The following MYO5B variants were observed in gnomAD, a reference collection of about 807,000 sequenced individuals.
MYO5B encodes myosin VB.
A neutral mutation model predicts 229.3 loss-of-function variants in MYO5B; 143 were observed. The observed-to-expected ratio is 0.62, with a 90% CI of 0.54 to 0.72. MYO5B has a LOEUF of 0.72. MYO5B is among the 30% of genes least tolerant of loss of function. MYO5B has a pLI of 0.00. For missense variants in MYO5B, 2,321 were observed against 2,331.0 expected (o/e 1.00, Z 0.09); for synonymous variants, 918 against 885.2 (o/e 1.04, Z -0.66).
At chr18:49,992,498 T>C (rs2025944825) in intron 5 of MYO5B, 67 bp from the exon 6 acceptor site, 16 of 1,609,400 alleles carry the variant, frequency 9.9e-6, no homozygotes, top group Non-Finnish European at 1.4e-5. Flanking sequence ...GGATTGTATG[T>C]TTGTGGCAGC....
At chr18:49,863,408 A>G in intron 28 of MYO5B, 81 bp from the exon 29 acceptor site, 1 of 1,221,944 alleles carries the variant, frequency 8.2e-7, no homozygotes, top group Non-Finnish European at 1.2e-6. Context: ...GTATAAAAAC[A>G]TGCCTTTGGG....
At position 50,098,546 on chromosome 18, in the gene MYO5B, A is replaced by G. The variant is rs866557133; in HGVS notation, c.28-43168T>C. Among the ~76,000 whole-genome samples the G allele has an allele frequency of 1.9e-4, 29 of 152,362 alleles. No individual in the cohort carries two copies. The Middle Eastern group carries it at 0.02, about 107-fold the overall frequency. On this transcript the variant is annotated intron_variant, in intron 1 of 39. Transcript: ENST00000285039. ...TTACAAACTACAACTTAGCTTTGAAAAGGTAAATGTCCAACTGTGTGGTAC... is the reference window on the plus strand; with the variant it reads ...TTACAAACTACAACTTAGCTTTGAAGAGGTAAATGTCCAACTGTGTGGTAC...
At chr18:50,000,548 G>C (rs530504008) in intron 5 of MYO5B, among the ~76,000 whole-genome samples, 2 of 152,270 alleles carry the variant, frequency 1.3e-5, no homozygotes, top group South Asian at 4.1e-4. Context: ...TACAGAAAAG[G>C]GGGAAAAAGA....
intron 1 of MYO5B, among the ~76,000 whole-genome samples, chr18:50,141,000 G>A (rs758434383): frequency 4.6e-5 from 7 of 152,206 alleles, no homozygotes; most frequent in East Asian, 3.9e-4. Flanking sequence ...CAACTGAGCC[G>A]CAGTGTTCAG....
At chr18:50,037,806 T>G (rs368222800) in intron 3 of MYO5B, among the ~76,000 whole-genome samples, 3 of 152,148 alleles carry the variant, frequency 2.0e-5, no homozygotes, top group African/African-American at 7.2e-5. Context: ...CTGAGAGGAA[T>G]GCTTGAGCCC....
At chr18:50,181,522 A>G (rs1458988546) in intron 1 of MYO5B, among the ~76,000 whole-genome samples, 1 of 152,260 alleles carries the variant, frequency 6.6e-6, no homozygotes, top group African/African-American at 2.4e-5. Flanking sequence ...TTTCTAGAAC[A>G]GAAAGCCTAT....
At chr18:50,028,368 C>T (rs569432931) in intron 4 of MYO5B, among the ~76,000 whole-genome samples, 3 of 152,258 alleles carry the variant, frequency 2.0e-5, no homozygotes, top group African/African-American at 7.2e-5. Context: ...TACCTCATCA[C>T]GTCACATTCT....
intron 14 of MYO5B, among the ~76,000 whole-genome samples, chr18:49,950,263 A>T (rs1024929664): frequency 1.3e-5 from 2 of 152,168 alleles, no homozygotes; most frequent in African/African-American, 2.4e-5. Flanking sequence ...CTGGCTCTTT[A>T]GACGTTTTAG....
At position 49,954,387 on chromosome 18, in the gene MYO5B, G is replaced by A; in HGVS notation, c.1594C>T (p.His532Tyr). ...TTCTGGAAGTGCTGGCTGCTGGAGT[G>A]CCGGTCATAGAGCTTCTGAGCCCAG... is the stretch of plus-strand genomic sequence containing the variant. Reference protein sequence around the residue: ...QNWAQKLYDRHSSSQHFQKPR... With the variant: ...QNWAQKLYDRYSSSQHFQKPR... Residue 532 changes from histidine to tyrosine, a missense_variant, in exon 13 of 40, where the codon CAC becomes TAC. Transcript: ENST00000285039. 6.2e-7 allele frequency: 1 copy of A among 1,614,008 alleles called. No homozygotes were observed.
chr18:49,879,603 C>T (rs1362608348), intron 23 of MYO5B, among the ~76,000 whole-genome samples: 1 of 152,214 alleles, frequency 6.6e-6, no homozygotes. Flanking sequence ...AAACAGTTCA[C>T]ATTTTCAAAA....
At chr18:49,932,859 C>T (rs945159515) in intron 16 of MYO5B, among the ~76,000 whole-genome samples, 2 of 152,142 alleles carry the variant, frequency 1.3e-5, no homozygotes, top group Admixed American at 6.5e-5. Flanking sequence ...ATCTCTCAAT[C>T]CGCCTCACTG....
At chr18:50,125,234 A>T (rs549275560) in intron 1 of MYO5B, among the ~76,000 whole-genome samples, 32 of 152,242 alleles carry the variant, frequency 2.1e-4, no homozygotes, top group African/African-American at 7.7e-4. Context: ...TCAATGGATG[A>T]AGCTGGAAAC....
At chr18:50,044,757 T>C (rs2030172833) in intron 2 of MYO5B, among the ~76,000 whole-genome samples, 1 of 152,104 alleles carries the variant, frequency 6.6e-6, no homozygotes, top group Non-Finnish European at 1.5e-5. Context: ...CTGAGGTAGG[T>C]CTCGATTAAC....
At position 49,825,977 on chromosome 18, in the gene MYO5B, C is replaced by T. The variant is rs1369701686; in HGVS notation, c.*494G>A. ...CCATATTTTTGTTCTTAAAACATCT[C>T]ACCACAAACTCAACCACACCTATGG... On this transcript the variant is annotated 3_prime_UTR_variant, in exon 40 of 40. Coordinates refer to ENST00000285039, the MANE Select transcript of MYO5B (RefSeq NM_001080467.3). 1 of 164,162 alleles carries T rather than the reference C, an allele frequency of 6.1e-6. No individual in the cohort carries two copies. Among genetic ancestry groups the T allele is most frequent in the Non-Finnish European group, 1.3e-5 (1 of 74,320 alleles). The allele number at this position is 164,162 out of a possible 1,614,324, so 10.2% of individuals were successfully genotyped here.
rs114730833 is a variant in MYO5B at position 49,842,571 on chromosome 18, G to A, written c.4611+670C>T. 6.4e-3 allele frequency among the ~76,000 whole-genome samples: 972 copies of A among 152,342 alleles called. 5 individuals are homozygous for A. Among genetic ancestry groups the A allele is most frequent in the African/African-American group, 0.023 (950 of 41,574 alleles). On this transcript the variant is annotated intron_variant, in intron 34 of 39. Coordinates refer to ENST00000285039, the MANE Select transcript of MYO5B (RefSeq NM_001080467.3). ...AGCAGGTAGAAATCCCTCTCACTGA[G>A]GGTTCATCTCCCTCAAGAATCTCAC...
chr18:50,084,020 T>C (rs2031275304), intron 1 of MYO5B, among the ~76,000 whole-genome samples: 1 of 152,220 alleles, frequency 6.6e-6, no homozygotes, highest in African/African-American at 2.4e-5. Context: ...ATCATCTCCC[T>C]GTGCCTCAGT....
intron 1 of MYO5B, among the ~76,000 whole-genome samples, chr18:50,092,041 C>G (rs1364479534): frequency 1.3e-5 from 2 of 152,146 alleles, no homozygotes; most frequent in Admixed American, 6.6e-5. Flanking sequence ...AGGGCTGTTA[C>G]TTCATGAGAT....
intron 32 of MYO5B, 115 bp from the exon 33 acceptor site, chr18:49,847,404 T>C (rs997013730): frequency 8.2e-6 from 11 of 1,342,344 alleles, no homozygotes; most frequent in Non-Finnish European, 9.3e-6. Context: ...GGGGCATCTC[T>C]GGCAGGTGGA....
chr18:49,961,201 A>G (rs1439684344), intron 12 of MYO5B, among the ~76,000 whole-genome samples: 5 of 152,286 alleles, frequency 3.3e-5, no homozygotes, highest in African/African-American at 4.8e-5. Context: ...ATCTAGGGAC[A>G]ATTGTTTTAC....
Sources: allele counts gnomAD v4.1 joint callset (sites outside exome capture counted in the v4.1 genomes callset), GRCh38; gene constraint gnomAD v4.1.1; transcripts MANE v1.5; gene names NCBI Gene and HGNC (gene_info 2026-07-23, HGNC 2026-07-21).